The following STAB2 variants were observed in gnomAD, a reference collection of about 807,000 sequenced individuals.
STAB2 encodes the protein stabilin 2, also known as stabilin-2.
A neutral mutation model predicts 338.1 loss-of-function variants in STAB2; 288 were observed. The ratio of observed to expected loss-of-function variants is 0.85; its 90% CI spans 0.77 to 0.94. STAB2 has a LOEUF of 0.94. Among genes scored for constraint, STAB2 ranks in the 40% least tolerant of loss-of-function variants. STAB2 has a pLI of 0.00. For missense variants in STAB2, 3,141 were observed against 3,210.1 expected, an observed-to-expected ratio of 0.98 and a Z score of 0.52; for synonymous variants, 1,202 against 1,193.3, an observed-to-expected ratio of 1.01 and a Z score of -0.15.
chr12:103,719,935 C>T (rs1468395613), intron 44 of STAB2, among the ~76,000 whole-genome samples: 1 of 152,174 alleles, frequency 6.6e-6, no homozygotes, highest in Admixed American at 6.5e-5. Context: ...ACCTTGCTTT[C>T]CTGTTTATAT....
At chr12:103,703,033 A>G in intron 34 of STAB2, 115 bp from the exon 35 acceptor site, 1 of 1,182,726 alleles carries the variant, frequency 8.5e-7, no homozygotes, top group Non-Finnish European at 1.2e-6. Context: ...TTATATCTCC[A>G]GGTGAATATT....
chr12:103,596,668 C>A (rs991085421), intron 3 of STAB2, among the ~76,000 whole-genome samples: 1 of 152,116 alleles, frequency 6.6e-6, no homozygotes, highest in African/African-American at 2.4e-5. Flanking sequence ...TCCTCTGAAC[C>A]CTTTTTTAAC....
chr12:103,666,320 C>G lies in STAB2; in HGVS notation c.2052C>G (p.Tyr684Ter), dbSNP rs769749218. The change falls in exon 19 of 69, where the codon TAC becomes TAG. Residue 684 changes from tyrosine (Y) to a stop codon, truncating the protein, a stop_gained. Transcript: ENST00000388887. LOFTEE classifies it high-confidence loss of function. ...LGTCVSCSLV[Y>*]WSRCPANSEP... is the part of the protein sequence containing the mutation. ...CTTGTGTGAGCTGTTCTCTGGTGTA[C>G]TGGAGCAGATGTCCTGCTAACTCTG... 1.9e-6 allele frequency: 3 copies of G among 1,614,056 alleles called. No individual in the cohort carries two copies. The African/African-American group carries it at 4.0e-5, about 22-fold the overall frequency.
At position 103,654,653 on chromosome 12, in the gene STAB2, C is replaced by G. The variant is rs1565987474; in HGVS notation, c.1506C>G (p.Asp502Glu). 1.2e-6 allele frequency: 2 copies of G among 1,614,194 alleles called. No individual in the cohort carries two copies. Among genetic ancestry groups the G allele is most frequent in the East Asian group, 2.2e-5 (1 of 44,890 alleles). The change falls in exon 13 of 69, where the codon GAC becomes GAG. Residue 502 changes from aspartate (D) to glutamate (E), a missense_variant. Transcript: ENST00000388887. ...CCAATGGGCTTCTGCACATCCTTGA[C>G]AGAGCCATGGACAAGTTAGAACCCA... ...IASNGLLHILDRAMDKLEPTF... is the reference protein window; with the variant it reads ...IASNGLLHILERAMDKLEPTF...
rs752616430 is a variant in STAB2, at chr12:103,654,598, T to C, written c.1451T>C (p.Val484Ala). ...KLKLHGGKKK[V>A]KIIQGDIIAS... is the part of the protein sequence containing the mutation. The stretch of plus-strand genomic sequence containing the variant: ...AAACTCCATGGAGGCAAAAAGAAGG[T>C]AAAAATTATACAAGGGGACATCATT... The change falls in exon 13 of 69, where the codon GTA becomes GCA. Residue 484 changes from valine (V) to alanine (A), a missense_variant. Transcript: ENST00000388887. 6.2e-6 allele frequency: 10 copies of C among 1,614,086 alleles called. No homozygotes were observed. Among genetic ancestry groups the C allele is most frequent in the Non-Finnish European group, 8.5e-6 (10 of 1,179,976 alleles).
chr12:103,658,122 C>T (rs924591944), intron 15 of STAB2: 1 of 152,196 alleles, frequency 6.6e-6, no homozygotes, highest in Non-Finnish European at 1.5e-5. Flanking sequence ...AGACACCTGC[C>T]CTTGCCAATT....
chr12:103,675,513 A>C (rs1479804729), intron 23 of STAB2, among the ~76,000 whole-genome samples: 1 of 152,252 alleles, frequency 6.6e-6, no homozygotes, highest in East Asian at 1.9e-4. Flanking sequence ...ATTGAGCAGG[A>C]AGAGTTATAA....
chr12:103,734,488 C>T (rs1881945959), intron 51 of STAB2, among the ~76,000 whole-genome samples: 1 of 151,976 alleles, frequency 6.6e-6, no homozygotes, highest in African/African-American at 2.4e-5. Flanking sequence ...TAGGAGCATG[C>T]ACAGTCTCAT....
chr12:103,685,482 A>G (rs1336612292), intron 27 of STAB2, among the ~76,000 whole-genome samples: 9 of 132,842 alleles, frequency 6.8e-5, no homozygotes, highest in Admixed American at 1.6e-4. Context: ...GCGTGCGCGC[A>G]TGTGTGTGTG....
intron 19 of STAB2, 175 bp from the exon 20 acceptor site, chr12:103,668,468 A>T (rs1210324469): frequency 3.4e-6 from 2 of 593,612 alleles, no homozygotes; most frequent in Non-Finnish European, 6.1e-6. Context: ...GAACAGGCCT[A>T]AAAAAGGGTG....
chr12:103,616,582 A>G (rs1171345963), intron 3 of STAB2, among the ~76,000 whole-genome samples: 1 of 152,244 alleles, frequency 6.6e-6, no homozygotes, highest in Non-Finnish European at 1.5e-5. Flanking sequence ...GCAAGGTGGC[A>G]CTGATTGCTG....
chr12:103,708,095 G>C (rs1011137628), intron 38 of STAB2, among the ~76,000 whole-genome samples: 1 of 152,076 alleles, frequency 6.6e-6, no homozygotes, highest in Non-Finnish European at 1.5e-5. Flanking sequence ...ATTCTTAAGG[G>C]GCAAACGTGG....
At chr12:103,758,908 C>G (rs1376490788) in intron 64 of STAB2, among the ~76,000 whole-genome samples, 1 of 152,190 alleles carries the variant, frequency 6.6e-6, no homozygotes, top group East Asian at 1.9e-4. Context: ...AAGCTCTGCT[C>G]TAGACAATAC....
chr12:103,727,431 G>A, intron 47 of STAB2, 81 bp downstream of exon 47: 1 of 1,488,090 alleles, frequency 6.7e-7, no homozygotes, highest in Non-Finnish European at 9.4e-7. Flanking sequence ...ACCAAGACTG[G>A]AGATGTTTCT....
At chr12:103,698,109 G>A (rs1238838355) in intron 33 of STAB2, among the ~76,000 whole-genome samples, 1 of 152,154 alleles carries the variant, frequency 6.6e-6, no homozygotes, top group Non-Finnish European at 1.5e-5. Context: ...GGAGAGAACA[G>A]GAAGGACTGA....
At chr12:103,655,160 A>T (rs1388927777) in intron 13 of STAB2, 91 bp from the exon 14 acceptor site, 2 of 1,218,874 alleles carry the variant, frequency 1.6e-6, no homozygotes, top group East Asian at 4.7e-5. Context: ...TGACACATAA[A>T]CTCTGTCATC....
intron 56 of STAB2, among the ~76,000 whole-genome samples, chr12:103,744,661 A>C (rs538259907): frequency 1.5e-4 from 23 of 150,564 alleles, no homozygotes; most frequent in African/African-American, 5.6e-4. Flanking sequence ...TGTTTTGTAG[A>C]TACGGGGTTG....
chr12:103,659,824 C>G (rs542382183), intron 15 of STAB2, among the ~76,000 whole-genome samples: 35 of 152,168 alleles, frequency 2.3e-4, no homozygotes, highest in Non-Finnish European at 4.6e-4. Context: ...GATCGCTATC[C>G]CTATGACTCT....
chr12:103,714,756 A>G (rs1438931112), intron 42 of STAB2, among the ~76,000 whole-genome samples: 3 of 151,722 alleles, frequency 2.0e-5, no homozygotes, highest in Admixed American at 6.6e-5. Context: ...TTTTTAAGCC[A>G]TTTGAGAGTA....
Sources: gnomAD v4.1 joint callset for allele counts (sites outside exome capture counted in the v4.1 genomes callset) on GRCh38, gnomAD v4.1.1 for gene constraint, MANE v1.5 for transcripts, NCBI Gene and HGNC (gene_info 2026-07-23, HGNC 2026-07-21) for gene names.